Variants in SERPING1 observed in about 807,000 individuals in gnomAD.
The protein encoded by SERPING1 is plasma protease C1 inhibitor.
A neutral mutation model predicts 34.1 loss-of-function variants in SERPING1; 5 were observed. The observed-to-expected ratio is 0.15, with a 90% confidence interval of 0.08 to 0.31. The LOEUF is 0.31. Ranked by LOEUF, SERPING1 falls within the 10% of genes least tolerant of loss-of-function variation. The probability of loss-of-function intolerance (pLI) is 1.00; values close to 1 mark genes in which losing one functional copy is unlikely to be tolerated. For missense variants in SERPING1, 505 were observed against 609.5 expected, an observed-to-expected ratio of 0.83 and a Z score of 1.81; for synonymous variants, 225 against 242.4, an observed-to-expected ratio of 0.93 and a Z score of 0.67.
intron 3 of SERPING1, 144 bp downstream of exon 3, chr11:57,600,521 A>C (rs1021773778): frequency 2.2e-5 from 19 of 861,904 alleles, no homozygotes; most frequent in Non-Finnish European, 3.6e-5. Context: ...AGAGGGATGT[A>C]TCTTTTCATT....
At chr11:57,599,384 C>G (rs1733691292) in intron 2 of SERPING1, among the ~76,000 whole-genome samples, 1 of 152,114 alleles carries the variant, frequency 6.6e-6, no homozygotes, top group African/African-American at 2.4e-5. Context: ...TCCTCCTTCC[C>G]TTTCTTCGTT....
At chr11:57,608,334 C>G (rs1036640710) in intron 6 of SERPING1, among the ~76,000 whole-genome samples, 2 of 152,114 alleles carry the variant, frequency 1.3e-5, no homozygotes, top group African/African-American at 4.8e-5. Context: ...ACACAAAACT[C>G]TAAACCAAAA....
At position 57,611,347 on chromosome 11, in the gene SERPING1, C is replaced by T. The variant is rs1242951247; in HGVS notation, c.1030-370C>T. ...GAGCCATCAATAGTTTTTACAGAGG[C>T]TGACCTGATAACTCTGGCGGTTCAA... On this transcript the variant is annotated intron_variant, in intron 6 of 7. Coordinates refer to ENST00000278407, the MANE Select transcript of SERPING1 (RefSeq NM_000062.3). The T allele has an allele frequency of 9.5e-6, 3 of 316,302 alleles. No individual in the cohort carries two copies. The Admixed American group carries it at 1.3e-4, about 14-fold the overall frequency. The allele number at this position is 316,302 out of a possible 1,614,324, so 19.6% of individuals were successfully genotyped here.
At chr11:57,613,263 C>G (rs958580846) in intron 7 of SERPING1, among the ~76,000 whole-genome samples, 8 of 152,164 alleles carry the variant, frequency 5.3e-5, no homozygotes, top group African/African-American at 1.9e-4. Flanking sequence ...ACTGGGTGTC[C>G]TACAATTGAA....
At chr11:57,605,724 A>T in intron 4 of SERPING1, 1 of 459,236 alleles carries the variant, frequency 2.2e-6, no homozygotes, top group Non-Finnish European at 4.0e-6. Flanking sequence ...AATCTAGGCA[A>T]ATGGAATTTA....
Position 57,614,363 on chromosome 11 carries a change from G to A in SERPING1, c.1285G>A (p.Gly429Arg). 1 of 1,614,040 alleles carries A rather than the reference G, an allele frequency of 6.2e-7. No homozygotes were observed. The highest frequency in any genetic ancestry group is 8.5e-7 in the Non-Finnish European group (1 of 1,180,032). ...TTTTTCTTATGACCTTAACCTGTGT[G>A]GGCTGACAGAGGACCCAGATCTTCA... Reference protein sequence around the residue: ...FDFSYDLNLCGLTEDPDLQVS... With the variant: ...FDFSYDLNLCRLTEDPDLQVS... The change falls in exon 8 of 8, where the codon GGG (glycine) becomes AGG (arginine). Residue 429 changes from glycine (G) to arginine (R), a missense_variant. Coordinates refer to ENST00000278407, the MANE Select transcript of SERPING1 (RefSeq NM_000062.3).
At chr11:57,609,036 T>C (rs1201506914) in intron 6 of SERPING1, among the ~76,000 whole-genome samples, 1 of 152,098 alleles carries the variant, frequency 6.6e-6, no homozygotes, top group Admixed American at 6.6e-5. Context: ...CCCAGCACTT[T>C]AGGAGGCTGA....
rs564416281 is a variant in SERPING1, at chr11:57,600,403, A to C, written c.550+26A>C. 1.9e-4 allele frequency: 310 copies of C among 1,611,780 alleles called. No individual in the cohort carries two copies. In the South Asian group the frequency reaches 2.6e-3, roughly 13 times the overall value. ...GTAAGACCCTGCTTGAATTCTCTCC[A>C]GGTCATTTGTTGGACACTCCCATAA... On this transcript the variant is annotated intron_variant, in intron 3 of 7. Transcript: ENST00000278407.
intron 6 of SERPING1, among the ~76,000 whole-genome samples, chr11:57,609,453 G>A (rs571045727): frequency 4.6e-5 from 7 of 152,058 alleles, no homozygotes; most frequent in South Asian, 4.2e-4. Context: ...GATGGTGCAC[G>A]CCTGTAATCC....
In SERPING1 at chr11:57,600,262, T is replaced by G. The variant is rs1362294676; in HGVS notation, c.435T>G (p.Ala145=). Residue 145 remains alanine, a synonymous_variant, in exon 3 of 8, where the codon GCT becomes GCG. Transcript: ENST00000278407. ...CAACAGAGGCCGTGTTGGGGGATGC[T>G]TTGGTAGATTTCTCCCTGAAGCTCT... ...SHSTEAVLGD[A]LVDFSLKLYH... is the part of the protein sequence containing the mutation. 2 of 1,614,034 alleles carry G rather than the reference T, an allele frequency of 1.2e-6. No individual in the cohort carries two copies. Among genetic ancestry groups the G allele is most frequent in the African/African-American group, 1.3e-5 (1 of 74,912 alleles).
intron 6 of SERPING1, among the ~76,000 whole-genome samples, chr11:57,611,027 C>T (rs994640679): frequency 1.3e-5 from 2 of 152,034 alleles, no homozygotes; most frequent in South Asian, 2.1e-4. Flanking sequence ...CTCCACCTCC[C>T]GGGTTCAAGC....
chr11:57,606,531 A>C lies in SERPING1; in HGVS notation c.1013A>C (p.Gln338Pro). The C allele has an allele frequency of 6.2e-7, 1 of 1,614,202 alleles. No individual in the cohort carries two copies. Among genetic ancestry groups the C allele is most frequent in the Non-Finnish European group, 8.5e-7 (1 of 1,180,050 alleles). The change falls in exon 6 of 8, where the codon CAA (glutamine) becomes CCA (proline). Residue 338 changes from glutamine to proline, a missense_variant. Coordinates refer to ENST00000278407, the MANE Select transcript of SERPING1 (RefSeq NM_000062.3). ...KKYPVAHFIDQTLKAKVGQLQ... is the reference protein window; with the variant it reads ...KKYPVAHFIDPTLKAKVGQLQ... Reference sequence around the variant, plus strand: ...TACCCTGTGGCCCATTTCATTGACCAAACTTTGAAAGCCAAGGTAAGTTCT... The same window carrying C: ...TACCCTGTGGCCCATTTCATTGACCCAACTTTGAAAGCCAAGGTAAGTTCT...
At chr11:57,598,951 G>A in intron 2 of SERPING1, among the ~76,000 whole-genome samples, 1 of 149,294 alleles carries the variant, frequency 6.7e-6, no homozygotes, top group African/African-American at 2.5e-5. Flanking sequence ...GTGTGTGCAC[G>A]CGCAAGTTGG....
At chr11:57,608,552 G>T (rs1311121073) in intron 6 of SERPING1, among the ~76,000 whole-genome samples, 2 of 152,140 alleles carry the variant, frequency 1.3e-5, no homozygotes, top group Non-Finnish European at 2.9e-5. Flanking sequence ...TCATTCTGTT[G>T]CCCAGGCCGG....
In SERPING1 at chr11:57,611,853, C is replaced by T; in HGVS notation, c.1166C>T (p.Ser389Phe). Residue 389 changes from serine (S) to phenylalanine (F), a missense_variant, in exon 7 of 8, where the codon TCC becomes TTC. Transcript: ENST00000278407. ...FKAIMEKLEM[S>F]KFQPTLLTLP... ...GCCATCATGGAGAAACTGGAGATGT[C>T]CAAGTTCCAGCCCACTCTCCTAACA... The T allele has an allele frequency of 6.2e-7, 1 of 1,614,124 alleles. No individual in the cohort carries two copies. The highest frequency in any genetic ancestry group is 1.1e-5 in the South Asian group (1 of 91,074).
chr11:57,608,863 C>G (rs896247966), intron 6 of SERPING1, among the ~76,000 whole-genome samples: 8 of 150,664 alleles, frequency 5.3e-5, no homozygotes, highest in African/African-American at 1.7e-4. Flanking sequence ...GTTTTGTGCA[C>G]AAAAGCCACT....
intron 3 of SERPING1, among the ~76,000 whole-genome samples, 170 bp from the exon 4 acceptor site, chr11:57,601,855 CAAAAAAAAAA>C (rs5792050): frequency 8.7e-5 from 5 of 57,786 alleles, no homozygotes; most frequent in Non-Finnish European, 1.6e-4. Context: ...GACTCTGTCT[CAAAAAAAAAA>C]AAAAAAAAAA....
intron 3 of SERPING1, 84 bp downstream of exon 3, chr11:57,600,461 C>A (rs1945335514): frequency 6.7e-7 from 1 of 1,493,144 alleles, no homozygotes; most frequent in South Asian, 1.1e-5. Flanking sequence ...CAAAGCCATG[C>A]CTCTGGGAAG....
At chr11:57,605,052 C>T (rs1181227522) in intron 4 of SERPING1, among the ~76,000 whole-genome samples, 1 of 151,962 alleles carries the variant, frequency 6.6e-6, no homozygotes, top group Non-Finnish European at 1.5e-5. Context: ...ATCACCCCAT[C>T]ATCTGAAAAA....
Sources: gnomAD v4.1 joint callset for allele counts (sites outside exome capture counted in the v4.1 genomes callset) on GRCh38, gnomAD v4.1.1 for gene constraint, MANE v1.5 for transcripts, NCBI Gene and HGNC (gene_info 2026-07-23, HGNC 2026-07-21) for gene names.